UNC13B: variants seen among roughly 807,000 people sequenced by gnomAD.
UNC13B encodes the protein unc-13 homolog B.
Under a neutral mutation model 211.0 loss-of-function variants are expected in UNC13B, and 144 were observed. That is an observed-to-expected ratio of 0.68 (90% CI 0.60 to 0.78). The LOEUF (loss-of-function observed/expected upper bound fraction) is 0.78. Among genes scored for constraint, UNC13B ranks in the 30% least tolerant of loss-of-function variants. The pLI is 0.00. For missense variants in UNC13B, 1,777 were observed against 2,002.0 expected, an observed-to-expected ratio of 0.89 and a Z score of 2.14; for synonymous variants, 709 against 725.8, an observed-to-expected ratio of 0.98 and a Z score of 0.37.
intron 1 of UNC13B, among the ~76,000 whole-genome samples, chr9:35,214,950 A>G (rs978772545): frequency 6.6e-6 from 1 of 152,224 alleles, no homozygotes; most frequent in Non-Finnish European, 1.5e-5. Flanking sequence ...ACTAACTTGA[A>G]CAATCCTTGG....
intron 17 of UNC13B, among the ~76,000 whole-genome samples, chr9:35,379,307 G>A (rs545696197): frequency 6.6e-6 from 1 of 152,280 alleles, no homozygotes; most frequent in African/African-American, 2.4e-5. Context: ...AATAAGCCAG[G>A]CATGGTGGCA....
intron 2 of UNC13B, among the ~76,000 whole-genome samples, chr9:35,228,746 G>A (rs909782199): frequency 3.7e-5 from 5 of 134,578 alleles, no homozygotes; most frequent in Admixed American, 7.4e-5. Context: ...GTGTGTGTGT[G>A]TGTATGTGTG....
At chr9:35,165,896 C>A (rs550724203) in intron 1 of UNC13B, among the ~76,000 whole-genome samples, 26 of 152,080 alleles carry the variant, frequency 1.7e-4, no homozygotes, top group Non-Finnish European at 2.9e-4. Context: ...CTGCAGTAAA[C>A]TAAATTAAGG....
chr9:35,217,318 T>G (rs954528519), intron 1 of UNC13B, among the ~76,000 whole-genome samples: 7 of 152,150 alleles, frequency 4.6e-5, no homozygotes, highest in Non-Finnish European at 1.0e-4. Flanking sequence ...TCAAAATTGA[T>G]TTATTAAAAG....
chr9:35,348,877 T>G (rs1218809092), intron 11 of UNC13B, among the ~76,000 whole-genome samples: 2 of 152,148 alleles, frequency 1.3e-5, no homozygotes, highest in African/African-American at 2.4e-5. Flanking sequence ...TTCATGTAGT[T>G]GTACACAGAG....
intron 13 of UNC13B, 71 bp downstream of exon 13, chr9:35,370,467 T>A: frequency 6.9e-7 from 1 of 1,456,660 alleles, no homozygotes; most frequent in Middle Eastern, 2.0e-4. Flanking sequence ...TGGCAAGCTG[T>A]CAGGATTGGA....
At chr9:35,258,589 C>G (rs988096400) in intron 6 of UNC13B, among the ~76,000 whole-genome samples, 3 of 152,192 alleles carry the variant, frequency 2.0e-5, no homozygotes, top group Non-Finnish European at 2.9e-5. Context: ...AATGAGAAAA[C>G]AGCCCCAGAC....
intron 1 of UNC13B, among the ~76,000 whole-genome samples, chr9:35,172,766 TC>T (rs1285699508): frequency 6.6e-6 from 1 of 152,112 alleles, no homozygotes; most frequent in Non-Finnish European, 1.5e-5. Context: ...AATCATGAAA[TC>T]TTTTTTTTTT....
chr9:35,338,136 T>C (rs919989546), intron 11 of UNC13B, among the ~76,000 whole-genome samples: 4 of 152,162 alleles, frequency 2.6e-5, no homozygotes, highest in South Asian at 2.1e-4. Flanking sequence ...AGTAGACATA[T>C]AGGTTTCTTA....
chr9:35,310,358 A>G lies in UNC13B; in HGVS notation c.9009-109A>G, dbSNP rs1166919421. 1.1e-5 allele frequency: 13 copies of G among 1,211,886 alleles called. No homozygotes were observed. The Admixed American group carries it at 2.7e-4, about 25-fold the overall frequency. 75.1% of individuals were successfully genotyped at this position (1,211,886 alleles called of 1,614,324 possible). ...GGTCCTCTCTTCCCAGGAACCTCCT[A>G]TTTGATTCTTGCTACTAATGTAGTC... On this transcript the variant is annotated intron_variant, in intron 9 of 39. Transcript: ENST00000635942.
At chr9:35,168,767 T>G (rs1417762684) in intron 1 of UNC13B, among the ~76,000 whole-genome samples, 1 of 150,638 alleles carries the variant, frequency 6.6e-6, no homozygotes, top group Admixed American at 6.7e-5. Flanking sequence ...AGTGGCATGA[T>G]CACGGCTCAC....
At position 35,162,148 on chromosome 9, in the gene UNC13B, T is replaced by A. The variant is rs951759009; in HGVS notation, c.-136T>A. 27 of 1,359,534 alleles carry A rather than the reference T, an allele frequency of 2.0e-5. No homozygotes were observed. The Middle Eastern group carries it at 1.4e-3, about 70-fold the overall frequency. The allele number at this position is 1,359,534 out of a possible 1,614,324, so 84.2% of individuals were successfully genotyped here. A position where few individuals can be genotyped will look rare whatever the true frequency, so the allele number is the denominator to read the frequency against. On this transcript the variant is annotated 5_prime_UTR_variant, in exon 1 of 40. Coordinates refer to ENST00000635942, the MANE Select transcript of UNC13B (RefSeq NM_001371189.2). The stretch of plus-strand genomic sequence containing the variant: ...CGGGTCCGAGGCAGCGGCGGGACGC[T>A]ACCTGCGACCGGGACCATGAGGAGC...
At chr9:35,227,073 C>T (rs1398497298) in intron 1 of UNC13B, among the ~76,000 whole-genome samples, 3 of 152,146 alleles carry the variant, frequency 2.0e-5, no homozygotes, top group Admixed American at 2.0e-4. Context: ...AAAAAGAACA[C>T]CAGTTGGGAA....
chr9:35,297,110 A>C (rs1829401441), intron 8 of UNC13B, among the ~76,000 whole-genome samples: 1 of 128,104 alleles, frequency 7.8e-6, no homozygotes, highest in Non-Finnish European at 1.6e-5. Context: ...TTTTTTTGAG[A>C]CAGAGTCTCA....
At chr9:35,391,386 G>T (rs983584651) in intron 26 of UNC13B, among the ~76,000 whole-genome samples, 1 of 152,156 alleles carries the variant, frequency 6.6e-6, no homozygotes, top group Admixed American at 6.5e-5. Flanking sequence ...TACTCAGTCT[G>T]TGAAAGCCCA....
chr9:35,306,072 A>G lies in UNC13B; in HGVS notation c.6668A>G (p.Asp2223Gly). 1 of 398,910 alleles carries G rather than the reference A, an allele frequency of 2.5e-6. No homozygotes were observed. Among genetic ancestry groups the G allele is most frequent in the Non-Finnish European group, 4.4e-6 (1 of 226,028 alleles). 24.7% of individuals were successfully genotyped at this position (398,910 alleles called of 1,614,324 possible). A position where few individuals can be genotyped will look rare whatever the true frequency, so the allele number is the denominator to read the frequency against. ...TFSFFSLSFL[D>G]QKKETSGEKQ... is the part of the protein sequence containing the mutation. ...AGTTTCTTCAGCTTGTCCTTTTTGG[A>G]TCAAAAAAAGGAGACCTCTGGGGAA... Residue 2223 changes from aspartate (D) to glycine (G), a missense_variant, in exon 9 of 40, where the codon GAT becomes GGT. Physicochemically the swap from Asp to Gly is moderately conservative, Grantham distance 94 (BLOSUM62 -1). Coordinates refer to ENST00000635942, the MANE Select transcript of UNC13B (RefSeq NM_001371189.2).
chr9:35,280,867 G>C (rs1828442240), intron 7 of UNC13B, among the ~76,000 whole-genome samples: 1 of 152,174 alleles, frequency 6.6e-6, no homozygotes, highest in East Asian at 1.9e-4. Context: ...TGTTAAAAAT[G>C]TCAGATTAAT....
At chr9:35,349,543 G>C (rs1272788992) in intron 11 of UNC13B, among the ~76,000 whole-genome samples, 3 of 152,148 alleles carry the variant, frequency 2.0e-5, no homozygotes, top group Non-Finnish European at 4.4e-5. Flanking sequence ...GGCCAGATTA[G>C]GGGCATGGCT....
chr9:35,389,760 G>A, intron 24 of UNC13B, 86 bp from the exon 25 acceptor site: 1 of 1,461,172 alleles, frequency 6.8e-7, no homozygotes, highest in Non-Finnish European at 9.5e-7. Context: ...TATAGGAAGG[G>A]GAAGAGAAAG....
Sources: gnomAD v4.1 joint callset for allele counts (sites outside exome capture counted in the v4.1 genomes callset) on GRCh38, gnomAD v4.1.1 for gene constraint, MANE v1.5 for transcripts, NCBI Gene and HGNC (gene_info 2026-07-23, HGNC 2026-07-21) for gene names.